The following CGGBP1 variants were observed in gnomAD, a reference collection of about 807,000 sequenced individuals.
The protein encoded by CGGBP1 is CGG triplet repeat-binding protein 1.
A neutral mutation model predicts 11.4 loss-of-function variants in CGGBP1; 4 were observed. The observed-to-expected ratio is 0.35, with a 90% CI of 0.17 to 0.80. The LOEUF (loss-of-function observed/expected upper bound fraction) is 0.80, where lower values mean the gene tolerates loss of function less well. CGGBP1 is among the 30% of genes least tolerant of loss of function. The probability of loss-of-function intolerance (pLI) is 0.52; values close to 1 mark genes in which losing one functional copy is unlikely to be tolerated. For synonymous variants in CGGBP1, 76 were observed against 74.1 expected (o/e 1.03, Z -0.13); for missense variants, 135 against 202.1 (o/e 0.67, Z 2.01).
At chr3:88,088,128 A>G (rs539755155) in intron 2 of CGGBP1, among the ~76,000 whole-genome samples, 1 of 152,236 alleles carries the variant, frequency 6.6e-6, no homozygotes. Context: ...CCTTGGAGCA[A>G]TGACCTTTGC....
upstream of CGGBP1, chr3:88,059,086 T>C: frequency 1.3e-6 from 1 of 786,926 alleles, no homozygotes; most frequent in South Asian, 1.9e-5. Flanking sequence ...AGACTGTCGA[T>C]TTCACCAATA....
At chr3:88,092,449 A>T (rs1703799383) in intron 2 of CGGBP1, among the ~76,000 whole-genome samples, 1 of 152,116 alleles carries the variant, frequency 6.6e-6, no homozygotes, top group Non-Finnish European at 1.5e-5. Flanking sequence ...CAGGGACTTG[A>T]CCTGTCTTGG....
chr3:88,120,074 T>A (rs1290774892), intron 2 of CGGBP1, among the ~76,000 whole-genome samples: 1 of 151,140 alleles, frequency 6.6e-6, no homozygotes, highest in Non-Finnish European at 1.5e-5. Flanking sequence ...TCTACTTATT[T>A]AAAAAAAAAT....
At chr3:88,064,372 C>A (rs1374274162) in intron 2 of CGGBP1, among the ~76,000 whole-genome samples, 2 of 151,968 alleles carry the variant, frequency 1.3e-5, no homozygotes, top group Admixed American at 6.6e-5. Context: ...TTGATTATAC[C>A]CCGTTTTTGT....
intron 2 of CGGBP1, among the ~76,000 whole-genome samples, chr3:88,137,372 A>AATG (rs1392024014): frequency 1.3e-5 from 2 of 152,094 alleles, no homozygotes; most frequent in African/African-American, 4.8e-5. Context: ...CCAAGTTGTA[A>AATG]ATGATGGATT....
chr3:88,120,914 G>A (rs534809086), intron 2 of CGGBP1, among the ~76,000 whole-genome samples: 2 of 152,126 alleles, frequency 1.3e-5, no homozygotes, highest in South Asian at 4.2e-4. Context: ...TTGATGTTTG[G>A]TCATAAGTTG....
chr3:88,098,955 A>G (rs954608838), intron 2 of CGGBP1, among the ~76,000 whole-genome samples: 5 of 152,174 alleles, frequency 3.3e-5, no homozygotes, highest in Admixed American at 3.3e-4. Context: ...CACTACTTCT[A>G]TTCATCATAA....
At chr3:88,140,350 CTAA>C (rs1159683728) in intron 2 of CGGBP1, 2 of 1,613,344 alleles carry the variant, frequency 1.2e-6, no homozygotes, top group South Asian at 2.2e-5. Context: ...GACTCAAATC[CTAA>C]TCAGGAAAAA....
Position 88,131,363 on chromosome 3 carries a change from T to C in CGGBP1, c.-229+9607A>G, listed in dbSNP as rs60001236. On this transcript the variant is annotated intron_variant, in intron 2 of 3. Transcript: ENST00000462901. Reference sequence around the variant, plus strand: ...TATCATTTTTTGACATGTGGTTATTTGGAAACTGAAAATAGTCATGACAGT... The same window carrying C: ...TATCATTTTTTGACATGTGGTTATTCGGAAACTGAAAATAGTCATGACAGT... Among the ~76,000 whole-genome samples, 461 of 152,324 alleles carry C rather than the reference T, an allele frequency of 3.0e-3. 3 individuals are homozygous for C. Among genetic ancestry groups the C allele is most frequent in the African/African-American group, 0.011 (443 of 41,568 alleles).
rs544258733 is a variant in CGGBP1, at chr3:88,077,658, A to G, written c.-228-19435T>C. Among the ~76,000 whole-genome samples, 23 of 150,382 alleles carry G rather than the reference A, an allele frequency of 1.5e-4. No individual in the cohort carries two copies. In the East Asian group the frequency reaches 4.5e-3, roughly 30 times the overall value. On this transcript the variant is annotated intron_variant, in intron 2 of 3. Coordinates refer to the CGGBP1 transcript ENST00000462901. ...GATAGGGAAACCTTTTCAAAATAAC[A>G]CATAGGAAAGATAAATGAAACATGC...
chr3:88,115,898 T>TAGGATGGGAACTTTATGTCAGTTGCTC (rs1705360030), intron 2 of CGGBP1, among the ~76,000 whole-genome samples: 1 of 152,106 alleles, frequency 6.6e-6, no homozygotes, highest in Non-Finnish European at 1.5e-5. Flanking sequence ...TGCTGGAAAT[T>TAGGATGGGAACTTTATGTCAGTTGCTC]AGGATGGGAA....
chr3:88,084,795 T>C (rs554069465), intron 2 of CGGBP1, among the ~76,000 whole-genome samples: 4 of 152,218 alleles, frequency 2.6e-5, no homozygotes, highest in Non-Finnish European at 5.9e-5. Context: ...GTGTTTATGA[T>C]GATGCCCCTT....
intron 2 of CGGBP1, among the ~76,000 whole-genome samples, chr3:88,094,723 T>G (rs1559705823): frequency 6.6e-6 from 1 of 152,120 alleles, no homozygotes; most frequent in Non-Finnish European, 1.5e-5. Flanking sequence ...CATTTGAATT[T>G]TTTTATTTTG....
At chr3:88,098,150 T>C (rs1465983765) in intron 2 of CGGBP1, among the ~76,000 whole-genome samples, 3 of 151,866 alleles carry the variant, frequency 2.0e-5, no homozygotes, top group South Asian at 4.2e-4. Flanking sequence ...AAAGGGGATA[T>C]CACCACCGAT....
intron 2 of CGGBP1, among the ~76,000 whole-genome samples, chr3:88,077,106 G>A (rs1404782408): frequency 6.6e-6 from 1 of 152,138 alleles, no homozygotes; most frequent in South Asian, 2.1e-4. Flanking sequence ...CAGGAATGTA[G>A]AGGAAAAGAG....
At chr3:88,101,018 C>G (rs193198346) in intron 2 of CGGBP1, among the ~76,000 whole-genome samples, 209 of 152,240 alleles carry the variant, frequency 1.4e-3, no homozygotes, top group African/African-American at 4.9e-3. Flanking sequence ...GTAGTAGAAG[C>G]AACTATCACC....
chr3:88,133,459 G>T lies in CGGBP1; in HGVS notation c.-229+7511C>A, dbSNP rs142284859. Among the ~76,000 whole-genome samples, 46 of 152,320 alleles carry T rather than the reference G, an allele frequency of 3.0e-4. No individual in the cohort carries two copies. The East Asian group carries it at 8.7e-3, about 29-fold the overall frequency. ...GAAGCATATGATAGGCATGAAATCA[G>T]TAAGAGGGATCTTTTCTGAAGTGTA... On this transcript the variant is annotated intron_variant, in intron 2 of 3. Transcript: ENST00000462901.
At chr3:88,074,980 TG>T (rs1299382630) in intron 2 of CGGBP1, among the ~76,000 whole-genome samples, 1 of 152,186 alleles carries the variant, frequency 6.6e-6, no homozygotes, top group Non-Finnish European at 1.5e-5. Context: ...TGCCATATTT[TG>T]TGGAGGGTGC....
At chr3:88,098,653 C>A (rs1299763306) in intron 2 of CGGBP1, among the ~76,000 whole-genome samples, 1 of 152,110 alleles carries the variant, frequency 6.6e-6, no homozygotes, top group Non-Finnish European at 1.5e-5. Context: ...GGGCTTCATC[C>A]CTGGGATGCA....
Sources: gnomAD v4.1 joint callset for allele counts (sites outside exome capture counted in the v4.1 genomes callset) on GRCh38, gnomAD v4.1.1 for gene constraint, MANE v1.5 for transcripts, NCBI Gene and HGNC (gene_info 2026-07-23, HGNC 2026-07-21) for gene names.